ERGIC3: variants seen among roughly 807,000 people sequenced by gnomAD.
ERGIC3 encodes the protein endoplasmic reticulum-Golgi intermediate compartment protein 3.
In ERGIC3, 33 loss-of-function variants were observed where a neutral mutation model predicts 54.7. The ratio of observed to expected loss-of-function variants is 0.60; its 90% CI spans 0.46 to 0.81. The LOEUF (loss-of-function observed/expected upper bound fraction) is 0.81, where lower values mean the gene tolerates loss of function less well. ERGIC3 is among the 30% of genes least tolerant of loss of function. The pLI, the probability that ERGIC3 is intolerant of heterozygous loss-of-function variation, is 0.00. For missense variants in ERGIC3, 399 were observed against 488.4 expected (o/e 0.82, Z 1.73); for synonymous variants, 186 against 189.8 (o/e 0.98, Z 0.16).
chr20:35,556,309 G>A (rs956003803), intron 10 of ERGIC3, 38 bp downstream of exon 10: 3 of 1,607,546 alleles, frequency 1.9e-6, no homozygotes, highest in African/African-American at 2.7e-5. Flanking sequence ...CTCCTGCGCG[G>A]TGCCAAGCAC....
intron 7 of ERGIC3, chr20:35,549,117 C>T (rs1322584580): frequency 1.8e-6 from 1 of 556,334 alleles, no homozygotes; most frequent in Non-Finnish European, 3.4e-6. Flanking sequence ...CTTTTTGACT[C>T]CTGTTTTCTA....
chr20:35,547,296 G>A (rs1406905353), intron 4 of ERGIC3, 116 bp from the exon 5 acceptor site: 2 of 725,912 alleles, frequency 2.8e-6, no homozygotes, highest in Non-Finnish European at 2.5e-6. Flanking sequence ...TGTACTATAT[G>A]AATATTAGTT....
intron 5 of ERGIC3, 112 bp downstream of exon 5, chr20:35,547,617 G>C: frequency 1.1e-6 from 1 of 896,610 alleles, no homozygotes; most frequent in Non-Finnish European, 1.8e-6. Flanking sequence ...ATCTAGAGTG[G>C]GCGGGGTATG....
At position 35,556,669 on chromosome 20, in the gene ERGIC3, G is replaced by T. The variant is rs2064714588; in HGVS notation, c.880-304G>T. On this transcript the variant is annotated intron_variant, in intron 10 of 12. Transcript: ENST00000348547. ...AGGGGCTGAGGGCAGAGGAAGTCAG[G>T]TCAGCCTTGGTGCGTCTTTGGAGAG... 1.2e-5 allele frequency: 6 copies of T among 513,226 alleles called. No homozygotes were observed. The South Asian group carries it at 1.3e-4, about 11-fold the overall frequency. 31.8% of individuals were successfully genotyped at this position (513,226 alleles called of 1,614,324 possible). A position where few individuals can be genotyped will look rare whatever the true frequency, so the allele number is the denominator to read the frequency against.
intron 4 of ERGIC3, chr20:35,544,016 A>G (rs1194192586): frequency 6.9e-4 from 15 of 21,676 alleles, no homozygotes; most frequent in African/African-American, 6.0e-3. Context: ...AGAATCTACT[A>G]TCTATCTATC....
At position 35,557,593 on chromosome 20, in the gene ERGIC3, C is replaced by G; in HGVS notation, c.*89C>G. ...CCACCCTCCACCTCCTCGGTCAGCC[C>G]CAGCCCCAGGTTGATAAATCTATTG... On this transcript the variant is annotated 3_prime_UTR_variant, in exon 13 of 13. Transcript: ENST00000348547. 1 of 1,097,254 alleles carries G rather than the reference C, an allele frequency of 9.1e-7. No homozygotes were observed. The highest frequency in any genetic ancestry group is 1.4e-6 in the Non-Finnish European group (1 of 721,020). The allele number at this position is 1,097,254 out of a possible 1,614,324, so 68.0% of individuals were successfully genotyped here.
chr20:35,554,938 A>G (rs146411853), intron 7 of ERGIC3, 106 bp from the exon 8 acceptor site: 1 of 1,322,814 alleles, frequency 7.6e-7, no homozygotes, highest in Admixed American at 1.7e-5. Context: ...AGAAGGAATG[A>G]GGGGCAGAGA....
chr20:35,554,142 G>T (rs1367069512), intron 7 of ERGIC3, among the ~76,000 whole-genome samples: 3 of 152,224 alleles, frequency 2.0e-5, no homozygotes, highest in African/African-American at 7.2e-5. Context: ...CAGGAACTTG[G>T]CTCTTTGAGC....
intron 4 of ERGIC3, chr20:35,543,882 GAT>G: frequency 2.9e-6 from 1 of 339,106 alleles, no homozygotes; most frequent in African/African-American, 2.1e-5. Flanking sequence ...TTAGTAGTTT[GAT>G]ACAATAAAAA....
chr20:35,542,795 A>G (rs1210771483), intron 3 of ERGIC3, 27 bp from the exon 4 acceptor site: 1 of 1,613,868 alleles, frequency 6.2e-7, no homozygotes, highest in Non-Finnish European at 8.5e-7. Context: ...GGGTCCCAGT[A>G]CCTTAGCCTG....
At chr20:35,557,277 G>T (rs760052229) in intron 12 of ERGIC3, 28 bp downstream of exon 12, 1 of 1,614,020 alleles carries the variant, frequency 6.2e-7, no homozygotes, top group Non-Finnish European at 8.5e-7. Flanking sequence ...TCTGTGAGCT[G>T]TGGGGTGGGG....
Position 35,556,013 on chromosome 20 carries a change from C to CTGGATGGTGTTGT in ERGIC3, c.718-18_718-6dup. 1 of 1,612,102 alleles carries CTGGATGGTGTTGT rather than the reference C, an allele frequency of 6.2e-7. No homozygotes were observed. The highest frequency in any genetic ancestry group is 1.3e-5 in the African/African-American group (1 of 74,958). On this transcript the variant is annotated intron_variant, in intron 8 of 12. Coordinates refer to ENST00000348547, the MANE Select transcript of ERGIC3 (RefSeq NM_015966.3). ...CTGTCATCAGAGCTTTGGATGAGCT[C>CTGGATGGTGTTGT]TGGATGGTGTTGTTTACAGATCAAC...
At position 35,556,293 on chromosome 20, in the gene ERGIC3, C is replaced by CA. The variant is rs1407044926; in HGVS notation, c.879+23dup. 1.2e-6 allele frequency: 2 copies of CA among 1,613,380 alleles called. 1 individual carries two copies. The highest frequency in any genetic ancestry group is 3.3e-5 in the Admixed American group (2 of 59,992). ...AGAGGTGAGTCAGGGAGCTCCCTACCAGAGTCTCCTGCGCGGTGCCAAGCA... is the reference window on the plus strand; with the variant it reads ...AGAGGTGAGTCAGGGAGCTCCCTACCAAGAGTCTCCTGCGCGGTGCCAAGCA... On this transcript the variant is annotated intron_variant, in intron 10 of 12. Coordinates refer to ENST00000348547, the MANE Select transcript of ERGIC3 (RefSeq NM_015966.3).
chr20:35,543,597 C>T, intron 4 of ERGIC3: 3 of 471,156 alleles, frequency 6.4e-6, no homozygotes, highest in South Asian at 4.6e-5. Context: ...GTCCTCAAAG[C>T]TGGGATTTCT....
chr20:35,548,050 CAT>C (rs2064659360), intron 5 of ERGIC3, among the ~76,000 whole-genome samples: 1 of 152,130 alleles, frequency 6.6e-6, no homozygotes, highest in African/African-American at 2.4e-5. Flanking sequence ...AAATATGTGA[CAT>C]AAAATTTACC....
chr20:35,552,055 G>A (rs1346559534), intron 7 of ERGIC3, among the ~76,000 whole-genome samples: 4 of 152,172 alleles, frequency 2.6e-5, no homozygotes, highest in South Asian at 2.1e-4. Flanking sequence ...GACAGTGACC[G>A]GAGTGAAGTC....
chr20:35,556,465 CCTGCTCTTTCTG>C, intron 10 of ERGIC3, 194 bp downstream of exon 10: 1 of 617,776 alleles, frequency 1.6e-6, no homozygotes, highest in Non-Finnish European at 2.8e-6. Context: ...ATTTAAAGCG[CCTGCTCTTTCTG>C]CTGCCCTCAC....
intron 7 of ERGIC3, among the ~76,000 whole-genome samples, chr20:35,551,971 G>A (rs1258082278): frequency 6.6e-6 from 1 of 152,178 alleles, no homozygotes; most frequent in African/African-American, 2.4e-5. Context: ...TTTCTAAGGA[G>A]GGTGATGTAG....
chr20:35,551,243 G>A (rs1227347295), intron 7 of ERGIC3, among the ~76,000 whole-genome samples: 2 of 151,470 alleles, frequency 1.3e-5, no homozygotes, highest in East Asian at 1.9e-4. Flanking sequence ...GCAGGGAGCC[G>A]AGATTGTGCC....
Sources: gnomAD v4.1 joint callset for allele counts (sites outside exome capture counted in the v4.1 genomes callset) on GRCh38, gnomAD v4.1.1 for gene constraint, MANE v1.5 for transcripts, NCBI Gene and HGNC (gene_info 2026-07-23, HGNC 2026-07-21) for gene names.